Variants in IL18RAP observed in about 807,000 individuals in gnomAD.
IL18RAP encodes the protein interleukin 18 receptor accessory protein.
A neutral mutation model predicts 58.1 loss-of-function variants in IL18RAP; 37 were observed. The observed-to-expected ratio is 0.64, with a 90% CI of 0.49 to 0.84. The LOEUF is 0.84. Among genes scored for constraint, IL18RAP ranks in the 40% least tolerant of loss-of-function variants. The probability of loss-of-function intolerance (pLI) is 0.00; values close to 1 mark genes in which losing one functional copy is unlikely to be tolerated. For synonymous variants in IL18RAP, 268 were observed against 257.5 expected, an observed-to-expected ratio of 1.04 and a Z score of -0.39; for missense variants, 667 against 704.8, an observed-to-expected ratio of 0.95 and a Z score of 0.61.
At chr2:102,446,321 G>T (rs1253865259) in intron 7 of IL18RAP, among the ~76,000 whole-genome samples, 1 of 152,004 alleles carries the variant, frequency 6.6e-6, no homozygotes, top group African/African-American at 2.4e-5. Flanking sequence ...AGGTTTTGGG[G>T]GTACAGGTGG....
chr2:102,419,024 A>C (rs1388732007), upstream of IL18RAP: 1 of 152,356 alleles, frequency 6.6e-6, no homozygotes. Flanking sequence ...TAATTTAAAA[A>C]ATGAGTTGCT....
chr2:102,421,006 A>G (rs941442752), upstream of IL18RAP, among the ~76,000 whole-genome samples: 1 of 152,170 alleles, frequency 6.6e-6, no homozygotes, highest in Non-Finnish European at 1.5e-5. Flanking sequence ...GGAGCTCCCA[A>G]TCTAGTGGGA....
chr2:102,426,228 C>T (rs1681931007), intron 3 of IL18RAP, among the ~76,000 whole-genome samples: 1 of 152,068 alleles, frequency 6.6e-6, no homozygotes, highest in Admixed American at 6.6e-5. Flanking sequence ...ATACCTACGA[C>T]CCATCTCTGA....
intron 3 of IL18RAP, among the ~76,000 whole-genome samples, chr2:102,427,910 G>A (rs780940878): frequency 6.6e-5 from 10 of 150,582 alleles, no homozygotes; most frequent in Non-Finnish European, 1.3e-4. Context: ...TCTTCTCCCT[G>A]TAGATAGCCG....
chr2:102,451,322 G>A (rs930490277), intron 9 of IL18RAP, among the ~76,000 whole-genome samples: 1 of 152,190 alleles, frequency 6.6e-6, no homozygotes, highest in Admixed American at 6.5e-5. Flanking sequence ...CCAATTTAGT[G>A]GCCCCTCTGA....
At chr2:102,434,310 C>T (rs1356513514) in intron 3 of IL18RAP, 1 of 152,196 alleles carries the variant, frequency 6.6e-6, no homozygotes, top group African/African-American at 2.4e-5. Flanking sequence ...CAAGTCTTTC[C>T]ACAAAAACTG....
chr2:102,449,016 C>A (rs113184587), intron 8 of IL18RAP, among the ~76,000 whole-genome samples: 2 of 145,506 alleles, frequency 1.4e-5, no homozygotes, highest in African/African-American at 5.1e-5. Context: ...CATGTGTAAT[C>A]CCAGCACTTT....
intron 4 of IL18RAP, chr2:102,439,870 T>C (rs777518784): frequency 6.6e-6 from 1 of 152,182 alleles, no homozygotes; most frequent in Non-Finnish European, 1.5e-5. Flanking sequence ...AATGTGAAGA[T>C]GATCGATTTT....
upstream of IL18RAP, among the ~76,000 whole-genome samples, chr2:102,422,497 C>T (rs1487271369): frequency 6.6e-6 from 1 of 152,122 alleles, no homozygotes; most frequent in Non-Finnish European, 1.5e-5. Flanking sequence ...CATATGCCTC[C>T]CCACCCCTCT....
intron 6 of IL18RAP, 150 bp from the exon 7 acceptor site, chr2:102,445,039 T>C (rs1345342981): frequency 9.8e-6 from 6 of 610,036 alleles, no homozygotes; most frequent in Admixed American, 3.0e-5. Flanking sequence ...GAGCCCTTTT[T>C]GACCATCTTA....
chr2:102,439,389 T>C (rs764307770), intron 4 of IL18RAP: 1 of 152,350 alleles, frequency 6.6e-6, no homozygotes, highest in Non-Finnish European at 1.5e-5. Flanking sequence ...ATTTAAAGGA[T>C]TTGGTGTTCG....
chr2:102,427,037 C>T (rs1180126458), intron 3 of IL18RAP, among the ~76,000 whole-genome samples: 1 of 152,142 alleles, frequency 6.6e-6, no homozygotes, highest in African/African-American at 2.4e-5. Flanking sequence ...GCTTATTTCA[C>T]TTAGCATAGC....
In IL18RAP at chr2:102,447,098, C is replaced by T. The variant is rs778660815; in HGVS notation, c.1101C>T (p.Thr367=). 12 of 1,614,006 alleles carry T rather than the reference C, an allele frequency of 7.4e-6. No individual in the cohort carries two copies. The highest frequency in any genetic ancestry group is 1.0e-5 in the Non-Finnish European group (12 of 1,180,018). Residue 367 remains threonine, a synonymous_variant, in exon 8 of 10, where the codon ACC becomes ACT. Coordinates refer to ENST00000687160, the MANE Select transcript of IL18RAP (RefSeq NM_001393487.1). ...TGCTCCTGTACATCCTGCTTGGCAC[C>T]ATCGGGACCCTGGTGGCCGTGCTGG... ...GVVLLYILLG[T]IGTLVAVLAA...
At chr2:102,427,209 A>G (rs934258000) in intron 3 of IL18RAP, among the ~76,000 whole-genome samples, 1 of 152,156 alleles carries the variant, frequency 6.6e-6, no homozygotes, top group Non-Finnish European at 1.5e-5. Flanking sequence ...TGCTGCAGTA[A>G]GCATAGGAGC....
chr2:102,446,835 A>G (rs1573301585), intron 7 of IL18RAP, among the ~76,000 whole-genome samples: 1 of 151,710 alleles, frequency 6.6e-6, no homozygotes, highest in South Asian at 2.1e-4. Context: ...ATGGTCTCCA[A>G]CTCCATCCAG....
Position 102,423,361 on chromosome 2 carries a change from CT to C in IL18RAP, c.70+18del. 3 of 1,608,598 alleles carry C rather than the reference CT, an allele frequency of 1.9e-6. No individual in the cohort carries two copies. The highest frequency in any genetic ancestry group is 2.6e-6 in the Non-Finnish European group (3 of 1,174,964). On this transcript the variant is annotated intron_variant, in intron 1 of 9. Transcript: ENST00000687160. Reference sequence around the variant, plus strand: ...TTAATATTTCAGGTAGGGGTTTTCACTTTTCATGTTAGCACTGTGAGTCTGT... The same window carrying C: ...TTAATATTTCAGGTAGGGGTTTTCACTTTCATGTTAGCACTGTGAGTCTGT...
In IL18RAP at chr2:102,423,240, T is replaced by C. The variant is rs765541991; in HGVS notation, c.-38T>C. On this transcript the variant is annotated 5_prime_UTR_variant, in exon 1 of 10. The change abolishes an upstream ATG in the 5' untranslated region. Transcript: ENST00000687160. ...AAAACACTCTACTCTGGCAAAGGAA[T>C]GAAGTTATTGGAGTGATGACAGGAA... 6.3e-7 allele frequency: 1 copy of C among 1,589,100 alleles called. No individual in the cohort carries two copies. Among genetic ancestry groups the C allele is most frequent in the South Asian group, 1.1e-5 (1 of 90,610 alleles).
rs533351441 is a variant in IL18RAP at position 102,437,324 on chromosome 2, C to T, written c.692C>T (p.Ser231Leu). The T allele has an allele frequency of 2.4e-5, 38 of 1,613,428 alleles. 1 individual carries two copies. The highest frequency in any genetic ancestry group is 2.1e-4 in the South Asian group (19 of 90,972). ...CDYTQSDTVS[S>L]WTVRAVVQVR... ...TACACTCAGTCGGATACTGTGAGTTCGTGGACAGTCAGAGCTGTTGTTCAA... is the reference window on the plus strand; with the variant it reads ...TACACTCAGTCGGATACTGTGAGTTTGTGGACAGTCAGAGCTGTTGTTCAA... Residue 231 changes from serine (S) to leucine (L), a missense_variant, in exon 4 of 10, where the codon TCG (serine) becomes TTG (leucine). Physicochemically the swap from Ser to Leu is moderately radical, Grantham distance 145. Transcript: ENST00000687160.
intron 3 of IL18RAP, among the ~76,000 whole-genome samples, chr2:102,431,190 G>T (rs547385647): frequency 1.3e-5 from 2 of 152,262 alleles, no homozygotes; most frequent in African/African-American, 2.4e-5. Flanking sequence ...GGACAGCTTT[G>T]CTTGGTTGGC....
Sources: gnomAD v4.1 joint callset for allele counts (sites outside exome capture counted in the v4.1 genomes callset) on GRCh38, gnomAD v4.1.1 for gene constraint, MANE v1.5 for transcripts, NCBI Gene and HGNC (gene_info 2026-07-23, HGNC 2026-07-21) for gene names.